The following RAB40B variants were observed in gnomAD, a reference collection of about 807,000 sequenced individuals.
RAB40B encodes the protein ras-related protein Rab-40B.
In RAB40B, 21 loss-of-function variants were observed where a neutral mutation model predicts 24.0. The observed-to-expected ratio is 0.88, with a 90% CI of 0.62 to 1.26. The LOEUF (loss-of-function observed/expected upper bound fraction) is 1.26, where lower values mean the gene tolerates loss of function less well. RAB40B is among the 50% of genes most tolerant of loss of function. The pLI is 0.00. For missense variants in RAB40B, 348 were observed against 390.5 expected (o/e 0.89, Z 0.92); for synonymous variants, 167 against 169.8 (o/e 0.98, Z 0.13).
intron 1 of RAB40B, among the ~76,000 whole-genome samples, chr17:82,666,919 C>T (rs547783930): frequency 8.5e-5 from 13 of 152,274 alleles, no homozygotes; most frequent in African/African-American, 3.1e-4. Flanking sequence ...CGGCTGTGAT[C>T]GGATGTTGAG....
intron 1 of RAB40B, among the ~76,000 whole-genome samples, chr17:82,693,746 G>C (rs2046581379): frequency 6.6e-6 from 1 of 152,076 alleles, no homozygotes; most frequent in East Asian, 1.9e-4. Flanking sequence ...ACACAACATG[G>C]GAGAGTCTCT....
At chr17:82,686,164 T>A (rs1232534663) in intron 1 of RAB40B, among the ~76,000 whole-genome samples, 1 of 143,794 alleles carries the variant, frequency 7.0e-6, no homozygotes, top group African/African-American at 2.6e-5. Flanking sequence ...GAGGCTGGAG[T>A]GCAGTGGCAC....
intron 1 of RAB40B, among the ~76,000 whole-genome samples, chr17:82,698,063 G>C (rs1451239397): frequency 2.0e-5 from 3 of 150,448 alleles, no homozygotes; most frequent in Admixed American, 6.6e-5. Context: ...TTGCGGACTC[G>C]AGCCCCCGCC....
intron 5 of RAB40B, 165 bp from the exon 6 acceptor site, chr17:82,658,299 C>T: frequency 9.0e-7 from 1 of 1,108,814 alleles, no homozygotes; most frequent in South Asian, 1.6e-5. Context: ...TGCCCACGTA[C>T]AGATCCCAGG....
chr17:82,690,562 G>A (rs1185714994), intron 1 of RAB40B, among the ~76,000 whole-genome samples: 4 of 131,980 alleles, frequency 3.0e-5, no homozygotes, highest in Non-Finnish European at 4.8e-5. Flanking sequence ...GAGTGTGCAC[G>A]TGTGTTGCCG....
intron 1 of RAB40B, among the ~76,000 whole-genome samples, chr17:82,691,815 C>T (rs1031814959): frequency 1.3e-5 from 2 of 152,202 alleles, no homozygotes; most frequent in African/African-American, 4.8e-5. Context: ...ATATCCTGGG[C>T]CAGCCTGGTG....
chr17:82,662,471 C>T (rs2046186393), intron 2 of RAB40B: 1 of 985,328 alleles, frequency 1.0e-6, no homozygotes, highest in African/African-American at 1.7e-5. Flanking sequence ...GGGCCGCTGC[C>T]ACCCTGAAGG....
chr17:82,668,766 T>G (rs2046293238), intron 1 of RAB40B, among the ~76,000 whole-genome samples: 1 of 152,192 alleles, frequency 6.6e-6, no homozygotes, highest in African/African-American at 2.4e-5. Flanking sequence ...GACGCCCGCG[T>G]CTAGAGCTGC....
intron 1 of RAB40B, among the ~76,000 whole-genome samples, chr17:82,670,178 C>CTTCT (rs2046315284): frequency 1.2e-5 from 1 of 81,274 alleles, no homozygotes; most frequent in Non-Finnish European, 2.3e-5. Context: ...GGCCAACAAT[C>CTTCT]TTTTTTTTTT....
At position 82,664,392 on chromosome 17, in the gene RAB40B, G is replaced by A. The variant is rs980317606; in HGVS notation, c.203+104C>T. ...CGGGGGCGCTGTGCCGATGGTGGTGGGGGATGGGTGCTCCCCGGGGCACTG... is the reference window on the plus strand; with the variant it reads ...CGGGGGCGCTGTGCCGATGGTGGTGAGGGATGGGTGCTCCCCGGGGCACTG... On this transcript the variant is annotated intron_variant, in intron 2 of 5. Transcript: ENST00000571995. 3 of 1,150,736 alleles carry A rather than the reference G, an allele frequency of 2.6e-6. 1 individual carries two copies. The Middle Eastern group carries it at 8.9e-4, about 343-fold the overall frequency. The allele number at this position is 1,150,736 out of a possible 1,614,324, so 71.3% of individuals were successfully genotyped here. A position where few individuals can be genotyped will look rare whatever the true frequency, so the allele number is the denominator to read the frequency against.
Position 82,698,622 on chromosome 17 carries a change from T to A in RAB40B, c.-26A>T. 7.2e-7 allele frequency: 1 copy of A among 1,389,274 alleles called. No individual in the cohort carries two copies. Among genetic ancestry groups the A allele is most frequent in the Non-Finnish European group, 9.5e-7 (1 of 1,052,330 alleles). 86.1% of individuals were successfully genotyped at this position (1,389,274 alleles called of 1,614,324 possible). A position where few individuals can be genotyped will look rare whatever the true frequency, so the allele number is the denominator to read the frequency against. On this transcript the variant is annotated 5_prime_UTR_variant, in exon 1 of 6. An upstream start codon of the reference 5' UTR is lost. Coordinates refer to ENST00000571995, the MANE Select transcript of RAB40B (RefSeq NM_006822.3). ...CGTGACGGCCCGGCGCCCCCACCCA[T>A]GCCCGGCCTGCGGGGCTGAGCGCAG...
chr17:82,677,482 A>G lies in RAB40B; in HGVS notation c.143-12926T>C, dbSNP rs1598308401. 2.0e-5 allele frequency among the ~76,000 whole-genome samples: 3 copies of G among 152,262 alleles called. No individual in the cohort carries two copies. In the East Asian group the frequency reaches 5.8e-4, roughly 29 times the overall value. On this transcript the variant is annotated intron_variant, in intron 1 of 5. Coordinates refer to ENST00000571995, the MANE Select transcript of RAB40B (RefSeq NM_006822.3). Reference sequence around the variant, plus strand: ...CCCATCCTGCAGCGGCCAGCTCAACACACTCTGGCCCTTCCCTGATGTGTC... The same window carrying G: ...CCCATCCTGCAGCGGCCAGCTCAACGCACTCTGGCCCTTCCCTGATGTGTC...
chr17:82,683,035 C>T (rs1012986507), intron 1 of RAB40B, among the ~76,000 whole-genome samples: 3 of 152,048 alleles, frequency 2.0e-5, no homozygotes, highest in Admixed American at 6.6e-5. Flanking sequence ...CCCAGGTACT[C>T]GGGAGGCTGA....
Position 82,663,781 on chromosome 17 carries a change from C to T in RAB40B, c.203+715G>A, listed in dbSNP as rs1470394718. 1.3e-5 allele frequency among the ~76,000 whole-genome samples: 2 copies of T among 152,176 alleles called. No individual in the cohort carries two copies. The highest frequency in any genetic ancestry group is 2.9e-5 in the Non-Finnish European group (2 of 68,022). ...GCCCCGGGCTGCCTCAACCACGCTG[C>T]ATCGGTCCCCTCTTGGCATCTTCCC... On this transcript the variant is annotated intron_variant, in intron 2 of 5. Transcript: ENST00000571995. This position sits in a 1 kb window ranked among gnomAD's most constrained non-coding sequence, Gnocchi z 6.2.
intron 1 of RAB40B, among the ~76,000 whole-genome samples, chr17:82,670,860 G>A (rs554373269): frequency 2.0e-5 from 3 of 152,072 alleles, no homozygotes; most frequent in African/African-American, 7.2e-5. Flanking sequence ...AGCGCCCTAC[G>A]AGTTTCAAAA....
intron 1 of RAB40B, among the ~76,000 whole-genome samples, chr17:82,681,497 G>A (rs891539731): frequency 6.6e-6 from 1 of 152,124 alleles, no homozygotes; most frequent in Non-Finnish European, 1.5e-5. Context: ...CTCTGAGTGC[G>A]AAACAAGCAA....
chr17:82,659,470 G>T, intron 4 of RAB40B, 110 bp downstream of exon 4: 2 of 1,046,642 alleles, frequency 1.9e-6, no homozygotes, highest in Non-Finnish European at 2.9e-6. Flanking sequence ...CGGTGCCCTG[G>T]CCTGTGATCC....
In RAB40B at chr17:82,657,682, A is replaced by C. The variant is rs781213834; in HGVS notation, c.*181T>G. ...CATCGAAAACAAGAGCTTCATGCAC[A>C]TCCACGTAGAAATTCGAAGTCCGAC... On this transcript the variant is annotated 3_prime_UTR_variant, in exon 6 of 6. Coordinates refer to ENST00000571995, the MANE Select transcript of RAB40B (RefSeq NM_006822.3). The C allele has an allele frequency of 7.8e-6, 6 of 769,914 alleles. No individual in the cohort carries two copies. In the Admixed American group the frequency reaches 1.1e-4, roughly 15 times the overall value. 47.7% of individuals were successfully genotyped at this position (769,914 alleles called of 1,614,324 possible).
At chr17:82,664,959 GCT>G (rs1308439279) in intron 1 of RAB40B, 19 of 192,796 alleles carry the variant, frequency 9.9e-5, no homozygotes, top group East Asian at 4.4e-4. Flanking sequence ...CTCCGACTCA[GCT>G]CTGTTTCCAA....
Sources: allele counts gnomAD v4.1 joint callset (sites outside exome capture counted in the v4.1 genomes callset), GRCh38; gene constraint gnomAD v4.1.1; non-coding constraint Gnocchi (gnomAD v3.1); transcripts MANE v1.5; gene names NCBI Gene and HGNC (gene_info 2026-07-23, HGNC 2026-07-21).